Variants in DENND5B observed in about 807,000 individuals in gnomAD.
The protein encoded by DENND5B is DENN domain-containing protein 5B.
In DENND5B, 34 loss-of-function variants were observed where a neutral mutation model predicts 140.6. That is an observed-to-expected ratio of 0.24 (90% CI 0.18 to 0.32). The LOEUF (loss-of-function observed/expected upper bound fraction) is 0.32. Ranked by LOEUF, DENND5B falls within the 10% of genes least tolerant of loss-of-function variation. DENND5B has a pLI of 1.00. For missense variants in DENND5B, 1,142 were observed against 1,560.2 expected (o/e 0.73, Z 4.52); for synonymous variants, 551 against 562.1 (o/e 0.98, Z 0.28).
intron 1 of DENND5B, among the ~76,000 whole-genome samples, chr12:31,550,776 A>T (rs1421915954): frequency 1.3e-5 from 2 of 152,162 alleles, no homozygotes; most frequent in Non-Finnish European, 2.9e-5. Context: ...GTGAGATGGT[A>T]TCTCATTGCG....
At chr12:31,571,360 A>C (rs1949815561) in intron 1 of DENND5B, among the ~76,000 whole-genome samples, 1 of 152,144 alleles carries the variant, frequency 6.6e-6, no homozygotes, top group Non-Finnish European at 1.5e-5. Context: ...ATTTGTCACT[A>C]GTGTTTTCCC....
At chr12:31,399,142 AAAAGAG>A (rs1306600149) in intron 16 of DENND5B, among the ~76,000 whole-genome samples, 5 of 141,348 alleles carry the variant, frequency 3.5e-5, no homozygotes, top group African/African-American at 5.5e-5. Context: ...AAAAAAAAAA[AAAAGAG>A]AGAGAAAGAA....
At chr12:31,496,598 T>C (rs966687091) in intron 1 of DENND5B, among the ~76,000 whole-genome samples, 1 of 152,208 alleles carries the variant, frequency 6.6e-6, no homozygotes, top group Admixed American at 6.5e-5. Context: ...GCACAGTAGC[T>C]CATGCCTGTA....
intron 2 of DENND5B, among the ~76,000 whole-genome samples, chr12:31,492,306 A>G (rs1946559884): frequency 6.6e-6 from 1 of 152,248 alleles, no homozygotes; most frequent in Admixed American, 6.5e-5. Context: ...TAGAGGCAAA[A>G]GCTATCATGG....
intron 1 of DENND5B, among the ~76,000 whole-genome samples, chr12:31,584,553 C>T (rs1648813752): frequency 6.6e-6 from 1 of 152,208 alleles, no homozygotes. Flanking sequence ...TGGCTCACTG[C>T]CTGTAATCCC....
chr12:31,491,336 C>T (rs1946519239), intron 2 of DENND5B, among the ~76,000 whole-genome samples: 1 of 152,068 alleles, frequency 6.6e-6, no homozygotes. Flanking sequence ...GACTATAATC[C>T]CAGCTACTCA....
chr12:31,550,892 C>A (rs976633603), intron 1 of DENND5B, among the ~76,000 whole-genome samples: 1 of 152,078 alleles, frequency 6.6e-6, no homozygotes, highest in East Asian at 1.9e-4. Flanking sequence ...TCATATCCTT[C>A]GCCCACTTGT....
intron 1 of DENND5B, among the ~76,000 whole-genome samples, chr12:31,539,173 T>C (rs1266261460): frequency 1.3e-5 from 2 of 151,866 alleles, no homozygotes; most frequent in African/African-American, 2.4e-5. Context: ...CAACCTACCA[T>C]GATTGAACCA....
chr12:31,448,859 A>AG (rs146812148), intron 5 of DENND5B, among the ~76,000 whole-genome samples: 1 of 66,928 alleles, frequency 1.5e-5, no homozygotes, highest in Non-Finnish European at 5.0e-5. Flanking sequence ...AAAAACAAAC[A>AG]AACAAAAACA....
At chr12:31,402,765 G>T in intron 14 of DENND5B, 122 bp from the exon 15 acceptor site, 1 of 1,167,068 alleles carries the variant, frequency 8.6e-7, no homozygotes, top group South Asian at 1.9e-5. Flanking sequence ...CTATCAAGAT[G>T]TACTTATACG....
chr12:31,394,626 T>C (rs1216960567), intron 17 of DENND5B, among the ~76,000 whole-genome samples: 1 of 151,682 alleles, frequency 6.6e-6, no homozygotes, highest in African/African-American at 2.4e-5. Flanking sequence ...TTTTTTTTTT[T>C]TTTTTGAGAC....
intron 1 of DENND5B, among the ~76,000 whole-genome samples, chr12:31,566,239 G>C (rs56409505): frequency 0.13 from 20,421 of 152,166 alleles, 1,625 homozygotes; most frequent in Non-Finnish European, 0.18. Flanking sequence ...AGGATTGCTT[G>C]AGCCCAGGAG....
At chr12:31,513,123 T>A (rs1031926778) in intron 1 of DENND5B, among the ~76,000 whole-genome samples, 2 of 152,202 alleles carry the variant, frequency 1.3e-5, no homozygotes, top group African/African-American at 4.8e-5. Context: ...AGAAGGTCCC[T>A]CAACTGGGAT....
intron 2 of DENND5B, among the ~76,000 whole-genome samples, chr12:31,494,934 G>A (rs1181097517): frequency 6.6e-6 from 1 of 152,058 alleles, no homozygotes; most frequent in Non-Finnish European, 1.5e-5. Context: ...CTCTGCTTTT[G>A]TCGCTTCATT....
chr12:31,584,980 T>C (rs912754063), intron 1 of DENND5B, among the ~76,000 whole-genome samples: 18 of 152,190 alleles, frequency 1.2e-4, no homozygotes, highest in Non-Finnish European at 2.2e-4. Flanking sequence ...AGAGATCACA[T>C]AGCAAGAGAG....
intron 7 of DENND5B, among the ~76,000 whole-genome samples, chr12:31,441,767 T>C (rs1218913190): frequency 6.6e-6 from 1 of 152,160 alleles, no homozygotes; most frequent in Non-Finnish European, 1.5e-5. Flanking sequence ...CGGCTCACCG[T>C]AGCCTCAACC....
At chr12:31,429,284 T>C (rs549507757) in intron 8 of DENND5B, among the ~76,000 whole-genome samples, 1 of 151,926 alleles carries the variant, frequency 6.6e-6, no homozygotes, top group South Asian at 2.1e-4. Context: ...TGGGATTACA[T>C]GCATGAGCCA....
chr12:31,589,220 T>A (rs951429241), intron 1 of DENND5B, among the ~76,000 whole-genome samples: 1 of 152,170 alleles, frequency 6.6e-6, no homozygotes, highest in African/African-American at 2.4e-5. Context: ...ATAACAATAT[T>A]CCTTCACCAA....
chr12:31,512,751 T>G (rs73297815), intron 1 of DENND5B, among the ~76,000 whole-genome samples: 15,552 of 152,184 alleles, frequency 0.1, 1,043 homozygotes, highest in East Asian at 0.25. Context: ...TTCATTGTTT[T>G]AAGAAACTTT....
Sources: gnomAD v4.1 joint callset for allele counts (sites outside exome capture counted in the v4.1 genomes callset) on GRCh38, gnomAD v4.1.1 for gene constraint, MANE v1.5 for transcripts, NCBI Gene and HGNC (gene_info 2026-07-23, HGNC 2026-07-21) for gene names.